MORC3: variants seen among roughly 807,000 people sequenced by gnomAD.
The protein encoded by MORC3 is MORC family CW-type zinc finger protein 3.
A neutral mutation model predicts 109.1 loss-of-function variants in MORC3; 31 were observed. That is an observed-to-expected ratio of 0.28 (90% CI 0.21 to 0.38). The LOEUF is 0.38. MORC3 is among the 10% of genes least tolerant of loss of function. The pLI, the probability that MORC3 is intolerant of heterozygous loss-of-function variation, is 1.00. For missense variants in MORC3, 867 were observed against 1,135.8 expected (o/e 0.76, Z 3.40); for synonymous variants, 395 against 380.7 (o/e 1.04, Z -0.44).
chr21:36,330,585 C>CT (rs530211611), intron 1 of MORC3, among the ~76,000 whole-genome samples: 227 of 152,312 alleles, frequency 1.5e-3, no homozygotes, highest in African/African-American at 5.2e-3. Context: ...CACCTGAGGG[C>CT]TGTGTCATGG....
chr21:36,354,546 G>A (rs1167216157), intron 9 of MORC3, among the ~76,000 whole-genome samples: 2 of 151,592 alleles, frequency 1.3e-5, no homozygotes, highest in Non-Finnish European at 2.9e-5. Flanking sequence ...CTTGTGATCC[G>A]CCCGCCTCTG....
chr21:36,328,464 C>T (rs559215686), intron 1 of MORC3, among the ~76,000 whole-genome samples: 3 of 152,010 alleles, frequency 2.0e-5, no homozygotes, highest in East Asian at 3.9e-4. Flanking sequence ...GCTTCAGCCT[C>T]CCCAGTAGCT....
intron 5 of MORC3, 107 bp from the exon 6 acceptor site, chr21:36,341,292 A>G (rs1257899841): frequency 6.7e-6 from 7 of 1,043,660 alleles, no homozygotes; most frequent in African/African-American, 1.6e-5. Context: ...GACGTGCACC[A>G]TGTGTAGGTT....
intron 1 of MORC3, among the ~76,000 whole-genome samples, chr21:36,329,696 T>A (rs1167172022): frequency 1.3e-5 from 2 of 152,220 alleles, no homozygotes; most frequent in East Asian, 3.8e-4. Context: ...TGCTTCATTA[T>A]ACTGCTCTGG....
At chr21:36,356,069 A>C (rs1332699659) in intron 9 of MORC3, among the ~76,000 whole-genome samples, 1 of 151,114 alleles carries the variant, frequency 6.6e-6, no homozygotes, top group Non-Finnish European at 1.5e-5. Context: ...AGCAAATAAA[A>C]AACTTGAGCC....
intron 12 of MORC3, among the ~76,000 whole-genome samples, chr21:36,360,468 G>A (rs187553564): frequency 1.3e-5 from 2 of 152,296 alleles, no homozygotes; most frequent in Admixed American, 1.3e-4. Context: ...CCATATGTGC[G>A]GATGTTTTGT....
Position 36,369,625 on chromosome 21 carries a change from G to T in MORC3, c.2257G>T (p.Val753Leu). ...CCATCAGTCCACTGAAACCGATGCT[G>T]TATTTTTACTTGAAAGTATTAATGG... is the stretch of plus-strand genomic sequence containing the variant. ...TCHQSTETDA[V>L]FLLESINGKS... The change falls in exon 15 of 17, where the codon GTA becomes TTA. Residue 753 changes from valine (V) to leucine (L), a missense_variant. By Grantham distance (32) the Val-to-Leu change is conservative. Around this residue, in one of 7 missense-constraint regions of MORC3, gnomAD observed 486 missense variants for 502.1 expected, o/e 0.97. Coordinates refer to ENST00000400485, the MANE Select transcript of MORC3 (RefSeq NM_015358.3). 2 of 1,614,192 alleles carry T rather than the reference G, an allele frequency of 1.2e-6. No individual in the cohort carries two copies. Among genetic ancestry groups the T allele is most frequent in the Non-Finnish European group, 1.7e-6 (2 of 1,180,040 alleles).
chr21:36,324,493 G>T (rs1471011467), intron 1 of MORC3, among the ~76,000 whole-genome samples: 1 of 150,228 alleles, frequency 6.7e-6, no homozygotes. Flanking sequence ...TAGCCAGGAT[G>T]GTCTTGATCT....
In MORC3 at chr21:36,341,515, A is replaced by G; in HGVS notation, c.725A>G (p.Gln242Arg). 3 of 1,613,942 alleles carry G rather than the reference A, an allele frequency of 1.9e-6. No homozygotes were observed. The highest frequency in any genetic ancestry group is 2.2e-5 in the East Asian group (1 of 44,890). Residue 242 changes from glutamine (Q) to arginine (R), a missense_variant, in exon 6 of 17, where the codon CAG becomes CGG. Around this residue, in one of 7 missense-constraint regions of MORC3, gnomAD observed 134 missense variants for 166.6 expected, o/e 0.80. Coordinates refer to ENST00000400485, the MANE Select transcript of MORC3 (RefSeq NM_015358.3). The stretch of plus-strand genomic sequence containing the variant: ...TACAAGAAGCAGGAAAGGATGGACC[A>G]GATTGCCCCTGAGAGTGACTATTCC... ...KGYKKQERMD[Q>R]IAPESDYSLR... is the part of the protein sequence containing the mutation.
chr21:36,327,145 G>A (rs1228067686), intron 1 of MORC3, among the ~76,000 whole-genome samples: 2 of 136,788 alleles, frequency 1.5e-5, no homozygotes, highest in Non-Finnish European at 3.0e-5. Context: ...GATATTAATT[G>A]GCTTTATTTC....
chr21:36,321,566 C>T (rs548467980), intron 1 of MORC3, among the ~76,000 whole-genome samples: 52 of 150,110 alleles, frequency 3.5e-4, no homozygotes, highest in Admixed American at 2.1e-3. Context: ...TTTTTTTAAC[C>T]ACTGAGTGTA....
chr21:36,356,476 G>A (rs1425079415), intron 9 of MORC3, 144 bp from the exon 10 acceptor site: 1 of 386,538 alleles, frequency 2.6e-6, no homozygotes. Flanking sequence ...TGTTGTTCAA[G>A]GGTCACCTAT....
intron 6 of MORC3, among the ~76,000 whole-genome samples, chr21:36,341,810 G>A (rs770077381): frequency 7.9e-5 from 12 of 152,146 alleles, no homozygotes; most frequent in Non-Finnish European, 1.8e-4. Context: ...GAAGTCGTCA[G>A]GCCTAACAAT....
intron 9 of MORC3, among the ~76,000 whole-genome samples, chr21:36,354,950 ATC>A (rs375763799): frequency 1.5e-4 from 23 of 152,228 alleles, no homozygotes; most frequent in African/African-American, 3.6e-4. Context: ...TATATCCACA[ATC>A]TCTCTGATGA....
chr21:36,344,454 G>A (rs2085485881), intron 6 of MORC3, 125 bp from the exon 7 acceptor site: 21 of 1,116,154 alleles, frequency 1.9e-5, no homozygotes, highest in Non-Finnish European at 2.6e-5. Flanking sequence ...CAGCTTTATA[G>A]CCTATTTTAT....
chr21:36,352,519 A>G (rs1000467165), intron 9 of MORC3, among the ~76,000 whole-genome samples: 11 of 152,152 alleles, frequency 7.2e-5, no homozygotes, highest in Admixed American at 5.9e-4. Flanking sequence ...GAATGTTTGC[A>G]TTATGCCTAC....
At position 36,320,283 on chromosome 21, in the gene MORC3, C is replaced by G. The variant is rs767374483; in HGVS notation, c.19C>G (p.Arg7Gly). 30 of 1,576,408 alleles carry G rather than the reference C, an allele frequency of 1.9e-5. No homozygotes were observed. The highest frequency in any genetic ancestry group is 3.7e-5 in the Admixed American group (2 of 54,560). The stretch of plus-strand genomic sequence containing the variant: ...GCTCAAGATGGCGGCGCAGCCACCC[C>G]GCGGGATACGCCTCAGCGCGGTGAG... MAAQPPRGIRLSALCPK... is the reference protein window; with the variant it reads MAAQPPGGIRLSALCPK... The change falls in exon 1 of 17, where the codon CGC (arginine) becomes GGC (glycine). Residue 7 changes from arginine to glycine, a missense_variant. Physicochemically the swap from Arg to Gly is moderately radical, Grantham distance 125 (BLOSUM62 -2). Around this residue, in one of 7 missense-constraint regions of MORC3, gnomAD observed 33 missense variants for 18.5 expected, o/e 1.78. Coordinates refer to ENST00000400485, the MANE Select transcript of MORC3 (RefSeq NM_015358.3).
At chr21:36,325,821 C>T (rs1166320559) in intron 1 of MORC3, among the ~76,000 whole-genome samples, 1 of 152,204 alleles carries the variant, frequency 6.6e-6, no homozygotes, top group Non-Finnish European at 1.5e-5. Flanking sequence ...TCCCTTTGTC[C>T]AGTGTATCCA....
chr21:36,375,111 T>G (rs773109303), intron 16 of MORC3, 32 bp from the exon 17 acceptor site: 3 of 1,582,136 alleles, frequency 1.9e-6, no homozygotes, highest in Non-Finnish European at 2.6e-6. Context: ...CTTGTAATGC[T>G]CATCTAATAA....
Sources: allele counts gnomAD v4.1 joint callset (sites outside exome capture counted in the v4.1 genomes callset), GRCh38; gene constraint gnomAD v4.1.1; regional missense constraint gnomAD v4.1.1; transcripts MANE v1.5; gene names NCBI Gene and HGNC (gene_info 2026-07-23, HGNC 2026-07-21).